The following TRMT10B variants were observed in gnomAD, a reference collection of about 807,000 sequenced individuals.
TRMT10B encodes the protein tRNA methyltransferase 10B, also known as tRNA methyltransferase 10 homolog B.
TRMT10B carries 33 observed loss-of-function variants against 43.8 expected under a neutral mutation model. The observed-to-expected ratio is 0.75, with a 90% confidence interval of 0.57 to 1.01. The LOEUF is 1.01. Among genes scored for constraint, TRMT10B ranks in the 50% least tolerant of loss-of-function variants. TRMT10B has a pLI of 0.00. For missense variants in TRMT10B, 362 were observed against 369.8 expected (o/e 0.98, Z 0.17); for synonymous variants, 137 against 130.6 (o/e 1.05, Z -0.34).
chr9:37,760,543 T>C (rs1302483112), intron 1 of TRMT10B, among the ~76,000 whole-genome samples: 1 of 152,210 alleles, frequency 6.6e-6, no homozygotes, highest in East Asian at 1.9e-4. Context: ...ACGGACTGAT[T>C]TAAGCGATTT....
chr9:37,762,431 A>G (rs942479495), intron 2 of TRMT10B, 146 bp from the exon 3 acceptor site: 2 of 1,191,410 alleles, frequency 1.7e-6, no homozygotes, highest in Non-Finnish European at 2.3e-6. Context: ...AACACGATCC[A>G]GTCTAGGTTT....
chr9:37,756,583 G>A (rs1018089861), intron 1 of TRMT10B, among the ~76,000 whole-genome samples: 5 of 151,842 alleles, frequency 3.3e-5, no homozygotes, highest in Non-Finnish European at 7.4e-5. Flanking sequence ...GTGCGTGCCC[G>A]TAGACCCAGC....
intron 1 of TRMT10B, among the ~76,000 whole-genome samples, chr9:37,758,750 T>A (rs1364028105): frequency 6.6e-6 from 1 of 152,144 alleles, no homozygotes; most frequent in African/African-American, 2.4e-5. Context: ...GGAGAAAGGA[T>A]ATGAAGAAAT....
Position 37,761,944 on chromosome 9 carries a change from T to C in TRMT10B, c.13T>C (p.Leu5=), listed in dbSNP as rs377089990. The change falls in exon 2 of 9, where the codon TTG becomes CTG. Residue 5 remains leucine, a synonymous_variant. Coordinates refer to ENST00000297994, the MANE Select transcript of TRMT10B (RefSeq NM_144964.4). ...GAGGACTAAGTCCATGGACTGGAAA[T>C]TGGAAGGGAGTACTCAGAAAGTAGA... MDWK[L]EGSTQKVESP... The C allele has an allele frequency of 1.2e-6, 2 of 1,612,948 alleles. No homozygotes were observed. Among genetic ancestry groups the C allele is most frequent in the Non-Finnish European group, 1.7e-6 (2 of 1,179,208 alleles).
chr9:37,775,347 A>T (rs912760613), intron 7 of TRMT10B, among the ~76,000 whole-genome samples: 1 of 152,186 alleles, frequency 6.6e-6, no homozygotes, highest in Non-Finnish European at 1.5e-5. Flanking sequence ...CTGAAGTCTT[A>T]GGTAGAAAAT....
At chr9:37,765,638 T>C (rs577667617) in intron 4 of TRMT10B, among the ~76,000 whole-genome samples, 74 of 152,346 alleles carry the variant, frequency 4.9e-4, no homozygotes, top group African/African-American at 1.7e-3. Context: ...TATTTCTGGT[T>C]CTAGATCCCT....
intron 1 of TRMT10B, among the ~76,000 whole-genome samples, chr9:37,761,540 A>C (rs1341682223): frequency 6.6e-6 from 1 of 152,194 alleles, no homozygotes; most frequent in Non-Finnish European, 1.5e-5. Flanking sequence ...TCTACTAAAA[A>C]TAGAAAAATT....
chr9:37,761,786 G>T, intron 1 of TRMT10B, 117 bp from the exon 2 acceptor site: 1 of 682,882 alleles, frequency 1.5e-6, no homozygotes, highest in Non-Finnish European at 2.4e-6. Flanking sequence ...AGTAAATCTG[G>T]TTCAGTATTT....
At chr9:37,773,272 T>C (rs916176809) in intron 7 of TRMT10B, among the ~76,000 whole-genome samples, 5 of 128,544 alleles carry the variant, frequency 3.9e-5, no homozygotes, top group Admixed American at 3.9e-4. Flanking sequence ...CATGGCCAGC[T>C]AATTTTTTTT....
intron 7 of TRMT10B, among the ~76,000 whole-genome samples, chr9:37,773,456 CAT>C (rs1827800821): frequency 6.6e-6 from 1 of 151,974 alleles, no homozygotes; most frequent in East Asian, 1.9e-4. Context: ...GAAAAAGCAA[CAT>C]ATTAACAACT....
chr9:37,762,744 A>C, intron 3 of TRMT10B, 59 bp downstream of exon 3: 1 of 1,507,078 alleles, frequency 6.6e-7, no homozygotes. Flanking sequence ...ACGTGTCTGC[A>C]TGTTCCAATG....
At chr9:37,761,435 A>G (rs1230757441) in intron 1 of TRMT10B, among the ~76,000 whole-genome samples, 1 of 152,168 alleles carries the variant, frequency 6.6e-6, no homozygotes, top group Non-Finnish European at 1.5e-5. Context: ...GCAGTGGCTC[A>G]TGCCTGTAAT....
At chr9:37,754,401 A>C (rs1352260283) in intron 1 of TRMT10B, among the ~76,000 whole-genome samples, 1 of 152,214 alleles carries the variant, frequency 6.6e-6, no homozygotes, top group African/African-American at 2.4e-5. Context: ...GGAACAGCAA[A>C]TAGACCCCGG....
chr9:37,754,270 A>G lies in TRMT10B; in HGVS notation c.-30+418A>G, dbSNP rs572963127. Among the ~76,000 whole-genome samples, 61 of 150,012 alleles carry G rather than the reference A, an allele frequency of 4.1e-4. 1 individual carries two copies. Among genetic ancestry groups the G allele is most frequent in the South Asian group, 1.4e-3 (7 of 4,832 alleles). On this transcript the variant is annotated intron_variant, in intron 1 of 8. Coordinates refer to ENST00000297994, the MANE Select transcript of TRMT10B (RefSeq NM_144964.4). The stretch of plus-strand genomic sequence containing the variant: ...ATGGAGGAGGTTCCGACAACAAGTA[A>G]AATAGGTTATGTTGGATAGTAATAT...
At chr9:37,762,201 T>G (rs2118769138) in intron 2 of TRMT10B, 84 bp downstream of exon 2, 1 of 1,384,794 alleles carries the variant, frequency 7.2e-7, no homozygotes. Flanking sequence ...ATACTGGTAG[T>G]GAAAAGAGAG....
upstream of TRMT10B, among the ~76,000 whole-genome samples, chr9:37,753,024 T>C (rs930077723): frequency 2.0e-5 from 3 of 152,040 alleles, no homozygotes; most frequent in African/African-American, 7.3e-5. Flanking sequence ...CGTGAAGATC[T>C]GTATTTGCAG....
In TRMT10B at chr9:37,756,522, T is replaced by C. The variant is rs527698956; in HGVS notation, c.-30+2670T>C. 2.0e-5 allele frequency among the ~76,000 whole-genome samples: 3 copies of C among 151,954 alleles called. No individual in the cohort carries two copies. The South Asian group carries it at 6.2e-4, about 32-fold the overall frequency. ...GGAGTTTGAGACCAGCCTGGCCAAC[T>C]TGGTGAAACCTGATCTCTACTTAAA... On this transcript the variant is annotated intron_variant, in intron 1 of 8. Transcript: ENST00000297994.
chr9:37,762,408 T>C, intron 2 of TRMT10B, 169 bp from the exon 3 acceptor site: 2 of 1,033,702 alleles, frequency 1.9e-6, no homozygotes, highest in Non-Finnish European at 2.7e-6. Flanking sequence ...TTTCTGGGGC[T>C]CTGTTTTCTC....
chr9:37,770,253 T>A (rs560005459), intron 6 of TRMT10B, among the ~76,000 whole-genome samples: 16 of 152,338 alleles, frequency 1.1e-4, no homozygotes, highest in African/African-American at 1.4e-4. Flanking sequence ...GGGCCTTGTG[T>A]AGTGCCTGCC....
Sources: gnomAD v4.1 joint callset for allele counts (sites outside exome capture counted in the v4.1 genomes callset) on GRCh38, gnomAD v4.1.1 for gene constraint, MANE v1.5 for transcripts, NCBI Gene and HGNC (gene_info 2026-07-23, HGNC 2026-07-21) for gene names.